The following MALRD1 variants were observed in gnomAD, a reference collection of about 807,000 sequenced individuals.
The protein encoded by MALRD1 is MAM and LDL receptor class A domain containing 1, also known as MAM and LDL-receptor class A domain-containing protein 1.
Under a neutral mutation model 242.1 loss-of-function variants are expected in MALRD1, and 247 were observed. The ratio of observed to expected loss-of-function variants is 1.02; its 90% CI spans 0.92 to 1.13. MALRD1 has a LOEUF of 1.13. MALRD1 is among the 50% of genes most tolerant of loss of function. The pLI is 0.00. For missense variants in MALRD1, 2,989 were observed against 2,533.1 expected (o/e 1.18, Z -3.86); for synonymous variants, 995 against 866.6 (o/e 1.15, Z -2.60).
chr10:19,242,528 C>T (rs1838837433), intron 18 of MALRD1, among the ~76,000 whole-genome samples: 1 of 151,880 alleles, frequency 6.6e-6, no homozygotes, highest in Non-Finnish European at 1.5e-5. Flanking sequence ...TTGAAATTTC[C>T]TACTAATATT....
chr10:19,172,187 A>G (rs1190151808), intron 13 of MALRD1, among the ~76,000 whole-genome samples: 1 of 134,408 alleles, frequency 7.4e-6, no homozygotes, highest in Non-Finnish European at 1.6e-5. Flanking sequence ...ATATATATAC[A>G]TATATACACA....
intron 21 of MALRD1, among the ~76,000 whole-genome samples, chr10:19,318,588 A>T (rs1490067505): frequency 6.6e-6 from 1 of 151,446 alleles, no homozygotes; most frequent in Non-Finnish European, 1.5e-5. Flanking sequence ...AACCAGTGAC[A>T]TATGCTTTTA....
At chr10:19,067,838 A>C (rs1427080928) in intron 2 of MALRD1, among the ~76,000 whole-genome samples, 1 of 152,084 alleles carries the variant, frequency 6.6e-6, no homozygotes, top group Non-Finnish European at 1.5e-5. Context: ...TCCATTTCTG[A>C]ATAATTTTGG....
At chr10:19,411,755 C>G (rs1833284325) in intron 28 of MALRD1, among the ~76,000 whole-genome samples, 1 of 152,100 alleles carries the variant, frequency 6.6e-6, no homozygotes, top group Non-Finnish European at 1.5e-5. Flanking sequence ...CCAAGGGACA[C>G]TAGTATTTTC....
intron 24 of MALRD1, among the ~76,000 whole-genome samples, chr10:19,333,497 G>A (rs186510280): frequency 6.6e-6 from 1 of 152,044 alleles, no homozygotes; most frequent in South Asian, 2.1e-4. Context: ...TTATGACTGT[G>A]TATTATTCCG....
At chr10:19,700,880 T>G (rs1182156891) in intron 38 of MALRD1, among the ~76,000 whole-genome samples, 3 of 152,134 alleles carry the variant, frequency 2.0e-5, no homozygotes, top group Non-Finnish European at 4.4e-5. Flanking sequence ...TCCCTCAGGC[T>G]GGGTGCAGTG....
intron 18 of MALRD1, among the ~76,000 whole-genome samples, chr10:19,240,127 G>A (rs1247736895): frequency 6.6e-6 from 1 of 152,080 alleles, no homozygotes; most frequent in African/African-American, 2.4e-5. Flanking sequence ...TCCAATCCAT[G>A]AGTATATAAT....
intron 14 of MALRD1, among the ~76,000 whole-genome samples, chr10:19,180,983 T>A (rs576877176): frequency 6.6e-6 from 1 of 152,104 alleles, no homozygotes; most frequent in Non-Finnish European, 1.5e-5. Flanking sequence ...TTGGCATTAA[T>A]CATCAGGGAA....
intron 31 of MALRD1, among the ~76,000 whole-genome samples, chr10:19,514,903 G>C (rs72788560): frequency 0.05 from 7,556 of 152,080 alleles, 225 homozygotes; most frequent in South Asian, 0.13. Context: ...GTGTACTTTT[G>C]ATATAAATGC....
chr10:19,058,975 G>A (rs1834744639), intron 1 of MALRD1, among the ~76,000 whole-genome samples: 1 of 152,078 alleles, frequency 6.6e-6, no homozygotes, highest in Non-Finnish European at 1.5e-5. Context: ...AAGTGTTCAT[G>A]CCCTCTAACT....
chr10:19,235,611 A>AGAGAGAGAGAGAGC (rs1176634148), intron 18 of MALRD1, among the ~76,000 whole-genome samples: 19 of 141,764 alleles, frequency 1.3e-4, no homozygotes, highest in South Asian at 1.3e-3. Context: ...AGAGAGAGAG[A>AGAGAGAGAGAGAGC]GAGCGCCTAG....
intron 30 of MALRD1, 106 bp from the exon 31 acceptor site, chr10:19,498,379 A>G: frequency 1.0e-6 from 1 of 965,408 alleles, no homozygotes; most frequent in Non-Finnish European, 1.5e-6. Context: ...TGTATTTATA[A>G]AGAATTAGAA....
intron 19 of MALRD1, among the ~76,000 whole-genome samples, chr10:19,272,974 T>G (rs1840330023): frequency 6.6e-6 from 1 of 152,162 alleles, no homozygotes; most frequent in Admixed American, 6.5e-5. Flanking sequence ...CTATTGTAAA[T>G]AGTGCTGCAA....
rs150545837 is a variant in MALRD1 at position 19,547,305 on chromosome 10, A to G, written c.5478+15954A>G. 1.8e-3 allele frequency among the ~76,000 whole-genome samples: 273 copies of G among 152,234 alleles called. 4 individuals carry two copies. The highest frequency in any genetic ancestry group is 6.2e-3 in the African/African-American group (259 of 41,536). Reference sequence around the variant, plus strand: ...TTTTCAGTTCTTCCTCCTGTGAGACATTCAGTGATGTTTATTACAAACCAA... The same window carrying G: ...TTTTCAGTTCTTCCTCCTGTGAGACGTTCAGTGATGTTTATTACAAACCAA... On this transcript the variant is annotated intron_variant, in intron 32 of 39. Transcript: ENST00000454679.
intron 18 of MALRD1, among the ~76,000 whole-genome samples, chr10:19,236,310 A>G (rs1177742849): frequency 5.9e-5 from 9 of 152,170 alleles, no homozygotes; most frequent in African/African-American, 1.7e-4. Flanking sequence ...GGAATGGCCC[A>G]CAGTTTGTGG....
chr10:19,206,074 T>A, intron 17 of MALRD1, among the ~76,000 whole-genome samples: 1 of 150,128 alleles, frequency 6.7e-6, no homozygotes, highest in South Asian at 2.1e-4. Context: ...ATATGAAAAT[T>A]ATTTTATAAA....
intron 29 of MALRD1, among the ~76,000 whole-genome samples, chr10:19,475,866 G>T (rs754497279): frequency 6.6e-6 from 1 of 152,116 alleles, no homozygotes; most frequent in Non-Finnish European, 1.5e-5. Context: ...CTTCATTAAA[G>T]CACATTAATG....
In MALRD1 at chr10:19,324,118, C is replaced by T. The variant is rs1437956999; in HGVS notation, c.3576+13C>T. The T allele has an allele frequency of 1.9e-6, 3 of 1,544,354 alleles. No individual in the cohort carries two copies. The highest frequency in any genetic ancestry group is 2.5e-5 in the East Asian group (1 of 40,802). ...TGGTTCTCTCCAGGTACTGCTTAGG[C>T]AATCACATTTTCTGAATTTTCTCTC... is the stretch of plus-strand genomic sequence containing the variant. On this transcript the variant is annotated intron_variant, in intron 22 of 39. Transcript: ENST00000454679.
intron 1 of MALRD1, among the ~76,000 whole-genome samples, chr10:19,057,206 C>T (rs1188891280): frequency 6.6e-6 from 1 of 152,138 alleles, no homozygotes; most frequent in Non-Finnish European, 1.5e-5. Flanking sequence ...TTTACCTATT[C>T]AGCCACTCTT....
Sources: allele counts gnomAD v4.1 joint callset (sites outside exome capture counted in the v4.1 genomes callset), GRCh38; gene constraint gnomAD v4.1.1; transcripts MANE v1.5; gene names NCBI Gene and HGNC (gene_info 2026-07-23, HGNC 2026-07-21).